RANBP2: variants seen among roughly 807,000 people sequenced by gnomAD.
RANBP2 encodes E3 SUMO-protein ligase RanBP2.
Under a neutral mutation model 303.6 loss-of-function variants are expected in RANBP2, and 57 were observed. The ratio of observed to expected loss-of-function variants is 0.19; its 90% CI spans 0.15 to 0.23. RANBP2 has a LOEUF of 0.23. Ranked by LOEUF, RANBP2 falls within the 10% of genes least tolerant of loss-of-function variation. RANBP2 has a pLI of 1.00. For missense variants in RANBP2, 3,138 were observed against 3,780.8 expected, an observed-to-expected ratio of 0.83 and a Z score of 4.46; for synonymous variants, 1,167 against 1,301.5, an observed-to-expected ratio of 0.90 and a Z score of 2.23.
At chr2:109,473,399 A>G in the RANBP2 span, among the ~76,000 whole-genome samples, 2,128 of 152,246 alleles carry the variant, frequency 0.014, 55 homozygotes, top group East Asian at 0.06. Flanking sequence ...CCCCATCAGC[A>G]TTTGGCACCA....
the RANBP2 span, among the ~76,000 whole-genome samples, chr2:109,578,296 A>G: frequency 2.0e-5 from 3 of 152,208 alleles, no homozygotes; most frequent in Non-Finnish European, 4.4e-5. Flanking sequence ...AAACATGTCT[A>G]AAGCACAAGG....
chr2:109,081,908 T>A, the RANBP2 span, among the ~76,000 whole-genome samples: 1 of 152,230 alleles, frequency 6.6e-6, no homozygotes, highest in Admixed American at 6.5e-5. Context: ...GGCCAGCTGT[T>A]TTCATAGGAA....
At chr2:109,047,258 GC>G in the RANBP2 span, among the ~76,000 whole-genome samples, 1 of 152,192 alleles carries the variant, frequency 6.6e-6, no homozygotes, top group Admixed American at 6.5e-5. Context: ...GTCCCCCACT[GC>G]TGTGCAACAG....
At chr2:109,613,857 T>A in the RANBP2 span, 4 of 1,233,224 alleles carry the variant, frequency 3.2e-6, no homozygotes, top group Non-Finnish European at 4.0e-6. Context: ...GTGAAGCGGC[T>A]GTATCAGCCC....
chr2:108,854,075 A>T, the RANBP2 span, among the ~76,000 whole-genome samples: 6 of 123,974 alleles, frequency 4.8e-5, no homozygotes, highest in South Asian at 5.0e-4. Context: ...TTTTATATAT[A>T]ATATAATAAA....
the RANBP2 span, chr2:109,732,789 G>A: frequency 1.1e-6 from 1 of 920,074 alleles, no homozygotes. Flanking sequence ...CAGACTTTTG[G>A]CTACTGTGGA....
the RANBP2 span, chr2:109,615,638 T>C: frequency 1.2e-6 from 2 of 1,613,684 alleles, no homozygotes; most frequent in Non-Finnish European, 1.7e-6. Context: ...AGTACCTGAG[T>C]CGGAGCATCG....
chr2:109,231,741 C>T, the RANBP2 span, among the ~76,000 whole-genome samples: 8 of 152,214 alleles, frequency 5.3e-5, no homozygotes, highest in African/African-American at 1.4e-4. Context: ...AAAGAGACTA[C>T]AGAGCATTTG....
chr2:109,088,847 T>C, the RANBP2 span, among the ~76,000 whole-genome samples: 3 of 152,140 alleles, frequency 2.0e-5, no homozygotes, highest in African/African-American at 7.2e-5. Flanking sequence ...ATAAAAGTAA[T>C]TCTTGTGGTT....
the RANBP2 span, among the ~76,000 whole-genome samples, chr2:109,608,815 C>T: frequency 6.6e-6 from 1 of 152,162 alleles, no homozygotes; most frequent in Non-Finnish European, 1.5e-5. Context: ...TCTAAATCAA[C>T]CTTCCAGATA....
the RANBP2 span, among the ~76,000 whole-genome samples, chr2:109,456,635 C>T: frequency 8.5e-5 from 13 of 152,210 alleles, no homozygotes; most frequent in Admixed American, 8.5e-4. Flanking sequence ...GTCCCCAGTT[C>T]TCCTGTAGAA....
intron 28 of RANBP2, among the ~76,000 whole-genome samples, chr2:108,783,152 A>G (rs1041934258): frequency 1.3e-5 from 2 of 151,742 alleles, no homozygotes; most frequent in Non-Finnish European, 2.9e-5. Flanking sequence ...CAGCCTGGGT[A>G]ACATGGCAAA....
intron 6 of RANBP2, among the ~76,000 whole-genome samples, chr2:108,736,682 A>G (rs1695615175): frequency 6.6e-6 from 1 of 152,232 alleles, no homozygotes; most frequent in Non-Finnish European, 1.5e-5. Flanking sequence ...ATACTGTTTT[A>G]GCTGAGAAAC....
intron 17 of RANBP2, among the ~76,000 whole-genome samples, chr2:108,757,859 G>C (rs1343733064): frequency 6.6e-6 from 1 of 152,120 alleles, no homozygotes; most frequent in Non-Finnish European, 1.5e-5. Context: ...CATTTAGGAG[G>C]TTATTTGTTT....
At chr2:108,812,874 CATGAAATGAAAAGTTT>C in the RANBP2 span, 1 of 1,613,222 alleles carries the variant, frequency 6.2e-7, no homozygotes. Flanking sequence ...CCATGCTGTT[CATGAAATGAAAAGTTT>C]AAAACAAGAA....
chr2:109,102,945 C>T, the RANBP2 span, among the ~76,000 whole-genome samples: 1 of 152,146 alleles, frequency 6.6e-6, no homozygotes, highest in Non-Finnish European at 1.5e-5. Context: ...GAGCGGATTG[C>T]AACGCAGCTG....
At chr2:109,255,089 G>C in the RANBP2 span, among the ~76,000 whole-genome samples, 444 of 152,306 alleles carry the variant, frequency 2.9e-3, 2 homozygotes, top group African/African-American at 0.01. Flanking sequence ...GGTGGTACCC[G>C]TGTCATGGTG....
the RANBP2 span, among the ~76,000 whole-genome samples, chr2:109,714,985 G>A: frequency 0.027 from 3,401 of 125,198 alleles, 159 homozygotes; most frequent in African/African-American, 0.093. Flanking sequence ...GGGTGGGGGC[G>A]GGGCGTGGAG....
At chr2:109,551,506 C>A in the RANBP2 span, among the ~76,000 whole-genome samples, 1 of 152,074 alleles carries the variant, frequency 6.6e-6, no homozygotes, top group Non-Finnish European at 1.5e-5. Flanking sequence ...TAAAAAGGAA[C>A]GATTTTGAAA....
Sources: allele counts gnomAD v4.1 joint callset (sites outside exome capture counted in the v4.1 genomes callset), GRCh38; gene constraint gnomAD v4.1.1; transcripts MANE v1.5; gene names NCBI Gene and HGNC (gene_info 2026-07-23, HGNC 2026-07-21).